Variants in SHISA9 observed in about 807,000 individuals in gnomAD.
SHISA9 encodes protein shisa-9.
Under a neutral mutation model 38.0 loss-of-function variants are expected in SHISA9, and 13 were observed. The observed-to-expected ratio is 0.34, with a 90% confidence interval of 0.22 to 0.54. SHISA9 has a LOEUF of 0.54. Among genes scored for constraint, SHISA9 ranks in the 20% least tolerant of loss-of-function variants. The probability of loss-of-function intolerance (pLI) is 0.91; values close to 1 mark genes in which losing one functional copy is unlikely to be tolerated. For missense variants in SHISA9, 538 were observed against 575.8 expected (o/e 0.93, Z 0.67); for synonymous variants, 275 against 242.0 (o/e 1.14, Z -1.27).
intron 4 of SHISA9, among the ~76,000 whole-genome samples, chr16:13,228,343 T>A (rs149191983): frequency 3.9e-5 from 6 of 152,350 alleles, no homozygotes; most frequent in Admixed American, 6.5e-5. Context: ...TAATGGGATT[T>A]TCCCCCCATC....
the SHISA9 span, among the ~76,000 whole-genome samples, chr16:13,379,884 C>G: frequency 2.6e-5 from 4 of 152,064 alleles, no homozygotes; most frequent in Non-Finnish European, 4.4e-5. Flanking sequence ...GCTAATATAT[C>G]ATTACAGCTA....
intron 2 of SHISA9, among the ~76,000 whole-genome samples, chr16:13,091,471 C>A (rs1296100037): frequency 1.3e-5 from 2 of 152,158 alleles, no homozygotes. Context: ...CATGTAGTCC[C>A]ATATTCCTTG....
chr16:12,999,769 G>C (rs1426541570), intron 2 of SHISA9, among the ~76,000 whole-genome samples: 1 of 152,166 alleles, frequency 6.6e-6, no homozygotes, highest in Non-Finnish European at 1.5e-5. Flanking sequence ...ATTAGTGCCT[G>C]AAGGTTGACT....
the SHISA9 span, among the ~76,000 whole-genome samples, chr16:13,286,796 T>A: frequency 6.6e-6 from 1 of 152,194 alleles, no homozygotes. Flanking sequence ...CTTGACCTGA[T>A]ACGTAAAGCC....
the SHISA9 span, among the ~76,000 whole-genome samples, chr16:13,479,916 G>A: frequency 5.9e-5 from 9 of 152,168 alleles, no homozygotes; most frequent in Non-Finnish European, 1.2e-4. Flanking sequence ...ATAGAATAGC[G>A]TCTGTTAAGA....
At chr16:13,017,808 A>G (rs1448244554) in intron 2 of SHISA9, among the ~76,000 whole-genome samples, 1 of 152,204 alleles carries the variant, frequency 6.6e-6, no homozygotes. Flanking sequence ...AAGGACATGA[A>G]CACTGCTAAC....
rs13336837 is a variant in SHISA9 at position 12,977,191 on chromosome 16, G to T, written c.691+60376G>T. On this transcript the variant is annotated intron_variant, in intron 2 of 4. Coordinates refer to ENST00000558583, the MANE Select transcript of SHISA9 (RefSeq NM_001145204.3). ...GTTCCAGACAATGGAGGCTCGGTTGGGCTGGGTTCCTGGGTGGATAATCCT... is the reference window on the plus strand; with the variant it reads ...GTTCCAGACAATGGAGGCTCGGTTGTGCTGGGTTCCTGGGTGGATAATCCT... Among the ~76,000 whole-genome samples the T allele has an allele frequency of 5.3e-3, 808 of 152,274 alleles. 5 individuals carry two copies. Among genetic ancestry groups the T allele is most frequent in the African/African-American group, 0.019 (775 of 41,548 alleles).
intron 2 of SHISA9, among the ~76,000 whole-genome samples, chr16:13,014,502 C>T (rs1252741673): frequency 1.3e-5 from 2 of 152,184 alleles, no homozygotes; most frequent in Non-Finnish European, 2.9e-5. Flanking sequence ...TTCAATTGTG[C>T]TTATTTCCTT....
intron 2 of SHISA9, among the ~76,000 whole-genome samples, chr16:13,052,654 G>T (rs564103106): frequency 6.6e-6 from 1 of 152,198 alleles, no homozygotes; most frequent in Non-Finnish European, 1.5e-5. Flanking sequence ...ATGGCTCCAA[G>T]TTGCTGGGGA....
chr16:13,405,081 A>T, the SHISA9 span, among the ~76,000 whole-genome samples: 1 of 152,226 alleles, frequency 6.6e-6, no homozygotes, highest in Non-Finnish European at 1.5e-5. Context: ...GAAGACACAC[A>T]TTGGGCAAAG....
chr16:13,438,146 G>A, the SHISA9 span, among the ~76,000 whole-genome samples: 1 of 152,158 alleles, frequency 6.6e-6, no homozygotes, highest in African/African-American at 2.4e-5. Context: ...GATTACAGAT[G>A]TGAGCCACCG....
intron 2 of SHISA9, among the ~76,000 whole-genome samples, chr16:12,961,629 G>A (rs1051003711): frequency 6.6e-6 from 1 of 152,158 alleles, no homozygotes; most frequent in Non-Finnish European, 1.5e-5. Context: ...AAAGAAGGGG[G>A]AAGAAGGAGA....
At chr16:13,489,754 A>G in the SHISA9 span, among the ~76,000 whole-genome samples, 1 of 152,178 alleles carries the variant, frequency 6.6e-6, no homozygotes, top group East Asian at 1.9e-4. Context: ...GCACCGTGAG[A>G]GCAAACAAAT....
the SHISA9 span, among the ~76,000 whole-genome samples, chr16:13,461,963 A>G: frequency 6.6e-6 from 1 of 152,066 alleles, no homozygotes; most frequent in Non-Finnish European, 1.5e-5. Context: ...TCACCCATTC[A>G]ATAAAGAAGA....
At chr16:13,504,379 G>A in the SHISA9 span, among the ~76,000 whole-genome samples, 2 of 152,046 alleles carry the variant, frequency 1.3e-5, no homozygotes, top group East Asian at 3.8e-4. Flanking sequence ...AAACCCATAA[G>A]GTCCCTGTAA....
chr16:13,097,120 A>G (rs1189254415), intron 2 of SHISA9, among the ~76,000 whole-genome samples: 2 of 152,306 alleles, frequency 1.3e-5, no homozygotes, highest in East Asian at 3.9e-4. Flanking sequence ...TTGTTGAATG[A>G]CTGTTGAGTA....
At chr16:13,080,997 A>G (rs1250224831) in intron 2 of SHISA9, among the ~76,000 whole-genome samples, 1 of 152,144 alleles carries the variant, frequency 6.6e-6, no homozygotes, top group Non-Finnish European at 1.5e-5. Context: ...CTCACTCATG[A>G]GGGCTCCACC....
At chr16:13,409,126 C>A in the SHISA9 span, among the ~76,000 whole-genome samples, 8 of 152,288 alleles carry the variant, frequency 5.3e-5, no homozygotes, top group East Asian at 1.5e-3. Context: ...GAAGGAATAT[C>A]TGAACACTGA....
chr16:13,437,105 G>A, the SHISA9 span, among the ~76,000 whole-genome samples: 113,874 of 152,048 alleles, frequency 0.75, 42,788 homozygotes, highest in Admixed American at 0.83. Context: ...TACGGGAGCT[G>A]CAATTCAGGA....
Sources: allele counts gnomAD v4.1 joint callset (sites outside exome capture counted in the v4.1 genomes callset), GRCh38; gene constraint gnomAD v4.1.1; transcripts MANE v1.5; gene names NCBI Gene and HGNC (gene_info 2026-07-23, HGNC 2026-07-21).